Variants in DCAF4 observed in about 807,000 individuals in gnomAD.
DCAF4 encodes the protein DDB1 and CUL4 associated factor 4.
Under a neutral mutation model 60.9 loss-of-function variants are expected in DCAF4, and 37 were observed. The ratio of observed to expected loss-of-function variants is 0.61; its 90% CI spans 0.47 to 0.80. The LOEUF (loss-of-function observed/expected upper bound fraction) is 0.80. Ranked by LOEUF, DCAF4 falls within the 30% of genes least tolerant of loss-of-function variation. The pLI is 0.00. For synonymous variants in DCAF4, 243 were observed against 254.8 expected, an observed-to-expected ratio of 0.95 and a Z score of 0.44; for missense variants, 577 against 650.0, an observed-to-expected ratio of 0.89 and a Z score of 1.22.
Position 72,958,439 on chromosome 14 carries a change from A to G in DCAF4, c.1295-173A>G, listed in dbSNP as rs568196852. 2.6e-5 allele frequency among the ~76,000 whole-genome samples: 4 copies of G among 152,376 alleles called. No individual in the cohort carries two copies. The South Asian group carries it at 8.3e-4, about 32-fold the overall frequency. ...AACCAGGGCATCTTGTCATTGTTCT[A>G]GCACAACAGGGCGACTTGGGTTATC... On this transcript the variant is annotated intron_variant, in intron 13 of 13. Coordinates refer to ENST00000358377, the MANE Select transcript of DCAF4 (RefSeq NM_015604.4).
At chr14:72,962,065 TG>T (rs1892839782), downstream of DCAF4, 1 of 1,034,216 alleles carries the variant, frequency 9.7e-7, no homozygotes, top group East Asian at 7.8e-5. Flanking sequence ...GAACTCTCAA[TG>T]TTATTTTACA....
chr14:72,960,553 A>C, downstream of DCAF4: 1 of 1,010,862 alleles, frequency 9.9e-7, no homozygotes. Context: ...GTGCCCCCTC[A>C]GCATTGTGGC....
At position 72,954,265 on chromosome 14, in the gene DCAF4, G is replaced by T; in HGVS notation, c.907+3G>T. ...AGCAAATAACTGCTTCAGTACAGGT[G>T]AGCCTGGCTCCCCAGGTGCCCAGAG... On this transcript the variant is annotated splice_donor_region_variant and intron_variant, in intron 10 of 13. Transcript: ENST00000358377. 2.5e-6 allele frequency: 4 copies of T among 1,614,204 alleles called. No homozygotes were observed. The highest frequency in any genetic ancestry group is 3.4e-6 in the Non-Finnish European group (4 of 1,180,030).
intron 1 of DCAF4, among the ~76,000 whole-genome samples, chr14:72,927,294 C>T (rs1302576972): frequency 1.3e-5 from 2 of 151,714 alleles, no homozygotes; most frequent in African/African-American, 4.8e-5. Flanking sequence ...TTCCAAAGTC[C>T]CAAACTCTGA....
At chr14:72,944,389 C>T (rs76179085) in intron 6 of DCAF4, among the ~76,000 whole-genome samples, 2,611 of 152,256 alleles carry the variant, frequency 0.017, 55 homozygotes, top group African/African-American at 0.057. Flanking sequence ...CGTCCAAACT[C>T]GTGTGTGGGT....
chr14:72,940,576 C>A, intron 4 of DCAF4, 199 bp downstream of exon 4: 21 of 420,292 alleles, frequency 5.0e-5, no homozygotes, highest in Middle Eastern at 6.2e-4. Flanking sequence ...TCCCCGTTTT[C>A]TTGTTCGATA....
chr14:72,959,147 C>A lies in DCAF4; in HGVS notation c.*342C>A. ...GGCAAAAACGAAAAGCTTCTTCCTC[C>A]AAGAGCCCATTGAAGAAGCCCAGTG... On this transcript the variant is annotated 3_prime_UTR_variant, in exon 14 of 14. Transcript: ENST00000358377. The A allele has an allele frequency of 9.9e-7, 1 of 1,012,770 alleles. No homozygotes were observed. 62.7% of individuals were successfully genotyped at this position (1,012,770 alleles called of 1,614,324 possible). A position where few individuals can be genotyped will look rare whatever the true frequency, so the allele number is the denominator to read the frequency against.
chr14:72,955,845 GA>G, intron 12 of DCAF4, 149 bp downstream of exon 12: 1 of 712,358 alleles, frequency 1.4e-6, no homozygotes, highest in Non-Finnish European at 2.4e-6. Flanking sequence ...CCTGCATGGG[GA>G]CTGCTTCGTT....
intron 13 of DCAF4, chr14:72,957,182 A>T (rs1331311493): frequency 6.6e-6 from 1 of 152,454 alleles, no homozygotes. Context: ...ACTGCACTCC[A>T]GCCTGGCAAC....
intron 4 of DCAF4, chr14:72,940,613 C>T (rs978621018): frequency 1.0e-4 from 33 of 327,462 alleles, no homozygotes; most frequent in Middle Eastern, 8.3e-4. Context: ...TTTTTTGAGG[C>T]GGAATCTCAC....
intron 13 of DCAF4, 75 bp from the exon 14 acceptor site, chr14:72,958,537 A>G: frequency 6.5e-7 from 1 of 1,548,380 alleles, no homozygotes; most frequent in Middle Eastern, 1.7e-4. Flanking sequence ...AATCTTGGGA[A>G]GCCATGTCCA....
chr14:72,946,490 G>T (rs921929294), intron 7 of DCAF4, among the ~76,000 whole-genome samples: 3 of 152,196 alleles, frequency 2.0e-5, no homozygotes, highest in Non-Finnish European at 4.4e-5. Context: ...AAAGTGAAAT[G>T]AGATGGTTGG....
In DCAF4 at chr14:72,939,832, C is replaced by T. The variant is rs144366256; in HGVS notation, c.123C>T (p.His41=). The change falls in exon 3 of 14, where the codon CAC becomes CAT. Residue 41 remains histidine (H), a synonymous_variant. Transcript: ENST00000358377. ...RSDSRAAQPA[H]DSGHGDDESP... The stretch of plus-strand genomic sequence containing the variant: ...ACTCCCGGGCAGCACAGCCCGCTCA[C>T]GATTCCGGCCACGGTGATGACGAGT... 80 of 1,613,062 alleles carry T rather than the reference C, an allele frequency of 5.0e-5. No individual in the cohort carries two copies. Among genetic ancestry groups the T allele is most frequent in the Middle Eastern group, 1.6e-4 (1 of 6,084 alleles).
chr14:72,954,457 G>A lies in DCAF4; in HGVS notation c.979G>A (p.Val327Ile). ...GCAGTCCTTTGGGACCAACAGTGAT[G>A]TCTTGGCCCAGCAGTTTGCTCTCAT... ...HRQSFGTNSDVLAQQFALMAP... is the reference protein window; with the variant it reads ...HRQSFGTNSDILAQQFALMAP... Residue 327 changes from valine (V) to isoleucine (I), a missense_variant, in exon 11 of 14, where the codon GTC becomes ATC. Transcript: ENST00000358377. The A allele has an allele frequency of 6.2e-7, 1 of 1,614,244 alleles. No homozygotes were observed. Among genetic ancestry groups the A allele is most frequent in the African/African-American group, 1.3e-5 (1 of 75,062 alleles).
At chr14:72,931,263 C>CTTT (rs370127536) in intron 1 of DCAF4, among the ~76,000 whole-genome samples, 11,024 of 126,716 alleles carry the variant, frequency 0.087, 668 homozygotes, top group East Asian at 0.19. Flanking sequence ...TACTTTTTCT[C>CTTT]TTTTTTTTTT....
At chr14:72,935,255 T>C (rs1028709555) in intron 1 of DCAF4, 2 of 72,040 alleles carry the variant, frequency 2.8e-5, no homozygotes, top group African/African-American at 9.3e-5. Context: ...TGTGACTTTT[T>C]AAATGATTTT....
At chr14:72,941,442 C>G (rs1387363551) in intron 4 of DCAF4, among the ~76,000 whole-genome samples, 1 of 152,192 alleles carries the variant, frequency 6.6e-6, no homozygotes, top group Admixed American at 6.5e-5. Context: ...TGGTGCAGAC[C>G]TGTTTGCAGT....
At chr14:72,934,634 C>G (rs1461816409) in intron 1 of DCAF4, among the ~76,000 whole-genome samples, 1 of 152,142 alleles carries the variant, frequency 6.6e-6, no homozygotes, top group Non-Finnish European at 1.5e-5. Context: ...CTCCCTCCCC[C>G]ACCTCCAGCC....
chr14:72,940,633 C>G (rs533285696), intron 4 of DCAF4: 21 of 350,090 alleles, frequency 6.0e-5, no homozygotes, highest in African/African-American at 4.4e-4. Context: ...CTCTGTTGCC[C>G]AGGCTGGAGT....
Sources: gnomAD v4.1 joint callset for allele counts (sites outside exome capture counted in the v4.1 genomes callset) on GRCh38, gnomAD v4.1.1 for gene constraint, MANE v1.5 for transcripts, NCBI Gene and HGNC (gene_info 2026-07-23, HGNC 2026-07-21) for gene names.